The following SCP2 variants were observed in gnomAD, a reference collection of about 807,000 sequenced individuals.
The protein encoded by SCP2 is sterol carrier protein 2, also known as SCP-2/3-oxoacyl-CoA thiolase.
A neutral mutation model predicts 71.4 loss-of-function variants in SCP2; 48 were observed. The observed-to-expected ratio is 0.67, with a 90% CI of 0.53 to 0.86. The LOEUF (loss-of-function observed/expected upper bound fraction) is 0.86, where lower values mean the gene tolerates loss of function less well. SCP2 is among the 40% of genes least tolerant of loss of function. SCP2 has a pLI of 0.00. For synonymous variants in SCP2, 220 were observed against 218.1 expected, an observed-to-expected ratio of 1.01 and a Z score of -0.08; for missense variants, 560 against 655.6, an observed-to-expected ratio of 0.85 and a Z score of 1.59.
chr1:53,013,421 T>TGAAAAA (rs1661111993), intron 11 of SCP2, among the ~76,000 whole-genome samples: 2 of 117,216 alleles, frequency 1.7e-5, no homozygotes, highest in South Asian at 5.6e-4. Flanking sequence ...CCGTCTCTAC[T>TGAAAAA]AAAAAAAAAA....
At chr1:52,998,651 T>G (rs943527604) in intron 11 of SCP2, among the ~76,000 whole-genome samples, 5 of 152,162 alleles carry the variant, frequency 3.3e-5, no homozygotes, top group African/African-American at 1.2e-4. Flanking sequence ...TGCAGGTATA[T>G]CCATAGGATA....
intron 7 of SCP2, 46 bp from the exon 8 acceptor site, chr1:52,976,637 C>T: frequency 1.1e-6 from 1 of 946,698 alleles, no homozygotes; most frequent in Non-Finnish European, 1.7e-6. Context: ...ACAAAAATTA[C>T]AGTTGCTATC....
intron 1 of SCP2, among the ~76,000 whole-genome samples, chr1:52,932,062 G>T (rs942082067): frequency 6.6e-6 from 1 of 152,026 alleles, no homozygotes; most frequent in Admixed American, 6.6e-5. Context: ...AAAGAAATGG[G>T]TATTAGGAGA....
At chr1:52,968,839 TG>T (rs1369595925) in intron 6 of SCP2, among the ~76,000 whole-genome samples, 2 of 152,184 alleles carry the variant, frequency 1.3e-5, no homozygotes, top group African/African-American at 4.8e-5. Context: ...AGCCTGCTCT[TG>T]ACCAGAAGCC....
intron 9 of SCP2, among the ~76,000 whole-genome samples, chr1:52,979,972 T>A (rs1490582079): frequency 6.6e-6 from 1 of 151,556 alleles, no homozygotes; most frequent in Non-Finnish European, 1.5e-5. Flanking sequence ...CTTCTTCTCT[T>A]CTTTTTTTGT....
intron 11 of SCP2, among the ~76,000 whole-genome samples, chr1:53,009,485 C>G (rs992627308): frequency 6.6e-6 from 1 of 152,256 alleles, no homozygotes; most frequent in East Asian, 1.9e-4. Context: ...CATCTACAAC[C>G]ATCTGATCTT....
At position 53,022,625 on chromosome 1, in the gene SCP2, A is replaced by T. The variant is rs189667651; in HGVS notation, c.1236-5344A>T. ...GTGCCAGGACCACACTAGGCGTTTC[A>T]CATGTACTTCTTTGTTTAATCCTCA... On this transcript the variant is annotated intron_variant, in intron 12 of 15. Coordinates refer to ENST00000371514, the MANE Select transcript of SCP2 (RefSeq NM_002979.5). Among the ~76,000 whole-genome samples the T allele has an allele frequency of 4.6e-5, 7 of 152,348 alleles. No homozygotes were observed. The East Asian group carries it at 9.6e-4, about 21-fold the overall frequency.
intron 13 of SCP2, among the ~76,000 whole-genome samples, chr1:53,036,019 CAAA>C (rs35164089): frequency 0.069 from 4,351 of 63,086 alleles, 74 homozygotes; most frequent in East Asian, 0.27. Context: ...GACTCCGTCT[CAAA>C]AAAAAAAAAA....
intron 2 of SCP2, among the ~76,000 whole-genome samples, chr1:52,945,342 T>C (rs1654679831): frequency 6.6e-6 from 1 of 152,082 alleles, no homozygotes; most frequent in Non-Finnish European, 1.5e-5. Flanking sequence ...CTCGCCACTG[T>C]GCACAGCTTG....
chr1:53,025,341 G>C (rs72903122), intron 12 of SCP2, among the ~76,000 whole-genome samples: 20,842 of 152,040 alleles, frequency 0.14, 2,033 homozygotes, highest in East Asian at 0.33. Flanking sequence ...CTATAATTCT[G>C]TTACAGTCCC....
intron 1 of SCP2, among the ~76,000 whole-genome samples, chr1:52,938,979 A>T (rs746422521): frequency 9.2e-5 from 14 of 152,212 alleles, no homozygotes; most frequent in Non-Finnish European, 1.9e-4. Context: ...GCACCTGGCA[A>T]CCACTGATCT....
intron 11 of SCP2, among the ~76,000 whole-genome samples, chr1:52,990,839 T>G (rs1298043729): frequency 6.6e-6 from 1 of 152,032 alleles, no homozygotes; most frequent in East Asian, 1.9e-4. Flanking sequence ...AGGAGAGTGT[T>G]TCAAAAGTAA....
intron 10 of SCP2, among the ~76,000 whole-genome samples, chr1:52,981,020 C>T (rs1658439104): frequency 6.6e-6 from 1 of 152,160 alleles, no homozygotes; most frequent in Admixed American, 6.5e-5. Context: ...CAACCTCCAC[C>T]TCCTGGGTTC....
intron 6 of SCP2, among the ~76,000 whole-genome samples, chr1:52,968,406 G>A (rs1370364514): frequency 6.6e-6 from 1 of 151,688 alleles, no homozygotes; most frequent in East Asian, 1.9e-4. Flanking sequence ...CATCTTCCTG[G>A]TACTTTCTTT....
At position 53,051,574 on chromosome 1, in the gene SCP2, G is replaced by A. The variant is rs1389887826; in HGVS notation, c.*870G>A. ...ATAGGATAAAATAATGCTTTGAGAA[G>A]AATGTTTAATAGAAAATTAAAATAA... On this transcript the variant is annotated 3_prime_UTR_variant, in exon 16 of 16. Coordinates refer to ENST00000371514, the MANE Select transcript of SCP2 (RefSeq NM_002979.5). 1 of 152,098 alleles carries A rather than the reference G, an allele frequency of 6.6e-6. No homozygotes were observed. The highest frequency in any genetic ancestry group is 2.4e-5 in the African/African-American group (1 of 41,414). The allele number at this position is 152,098 out of a possible 1,614,324, so 9.4% of individuals were successfully genotyped here.
chr1:53,025,241 C>T (rs998759037), intron 12 of SCP2, among the ~76,000 whole-genome samples: 10 of 150,772 alleles, frequency 6.6e-5, no homozygotes, highest in African/African-American at 2.5e-4. Context: ...GCTGGTTTTC[C>T]TCTTGCATCA....
intron 6 of SCP2, among the ~76,000 whole-genome samples, chr1:52,967,970 C>T (rs557424554): frequency 6.6e-6 from 1 of 152,244 alleles, no homozygotes; most frequent in African/African-American, 2.4e-5. Flanking sequence ...GCTCATATAG[C>T]CTCCAGTGGT....
At chr1:52,940,114 A>C (rs1301652085) in intron 1 of SCP2, among the ~76,000 whole-genome samples, 3 of 152,302 alleles carry the variant, frequency 2.0e-5, no homozygotes, top group Non-Finnish European at 2.9e-5. Flanking sequence ...CATTTTAAAA[A>C]ACATTGTCAT....
At chr1:52,937,165 A>G (rs1231294383) in intron 1 of SCP2, among the ~76,000 whole-genome samples, 6 of 152,170 alleles carry the variant, frequency 3.9e-5, no homozygotes, top group Admixed American at 2.6e-4. Flanking sequence ...GGAGATTATG[A>G]TATGACTTCT....
Sources: allele counts gnomAD v4.1 joint callset (sites outside exome capture counted in the v4.1 genomes callset), GRCh38; gene constraint gnomAD v4.1.1; transcripts MANE v1.5; gene names NCBI Gene and HGNC (gene_info 2026-07-23, HGNC 2026-07-21).